GATA4: variants seen among roughly 807,000 people sequenced by gnomAD.
The protein encoded by GATA4 is GATA binding protein 4.
In GATA4, 7 loss-of-function variants were observed where a neutral mutation model predicts 37.9. The ratio of observed to expected loss-of-function variants is 0.18; its 90% CI spans 0.11 to 0.35. GATA4 has a LOEUF of 0.35. Ranked by LOEUF, GATA4 falls within the 10% of genes least tolerant of loss-of-function variation. The pLI, the probability that GATA4 is intolerant of heterozygous loss-of-function variation, is 1.00. For missense variants in GATA4, 647 were observed against 653.0 expected (o/e 0.99, Z 0.10); for synonymous variants, 372 against 292.6 (o/e 1.27, Z -2.77).
chr8:11,735,840 C>T (rs1056282986), intron 2 of GATA4, among the ~76,000 whole-genome samples: 2 of 152,180 alleles, frequency 1.3e-5, no homozygotes, highest in African/African-American at 2.4e-5. Context: ...GGATTACAGG[C>T]GTGAGCCACC....
At chr8:11,753,661 G>A (rs1400179333) in intron 4 of GATA4, among the ~76,000 whole-genome samples, 1 of 152,084 alleles carries the variant, frequency 6.6e-6, no homozygotes, top group Non-Finnish European at 1.5e-5. Flanking sequence ...GTCACAGAGA[G>A]ATGTGCAGAT....
At chr8:11,685,813 G>C (rs1485031526) in intron 1 of GATA4, among the ~76,000 whole-genome samples, 1 of 152,212 alleles carries the variant, frequency 6.6e-6, no homozygotes, top group Non-Finnish European at 1.5e-5. Flanking sequence ...TGGGATGTGA[G>C]GCCAGGTGTG....
intron 6 of GATA4, among the ~76,000 whole-genome samples, chr8:11,758,026 C>A (rs563397991): frequency 6.6e-6 from 1 of 152,310 alleles, no homozygotes; most frequent in African/African-American, 2.4e-5. Context: ...ACCATCAGAG[C>A]CTTCTGGGCA....
At chr8:11,687,950 A>T (rs184353963), upstream of GATA4, among the ~76,000 whole-genome samples, 1,571 of 152,336 alleles carry the variant, frequency 0.01, 19 homozygotes, top group African/African-American at 0.036. Context: ...GACCAATGTC[A>T]TTTTTAAAAA....
chr8:11,756,952 A>C lies in GATA4; in HGVS notation c.1018A>C (p.Ser340Arg). Residue 340 changes from serine to arginine, a missense_variant, in exon 6 of 7, where the codon AGC (serine) becomes CGC (arginine). Ser to Arg is a moderately radical substitution (Grantham distance 110). Transcript: ENST00000532059. The stretch of plus-strand genomic sequence containing the variant: ...CATTCCAGCTCCTTCAGGCAGTGAG[A>C]GCCTTCCTCCCGCCAGCGGTGCTTC... ...KTPAAPSGSE[S>R]LPPASGASSN... 1 of 1,614,166 alleles carries C rather than the reference A, an allele frequency of 6.2e-7. No homozygotes were observed.
intron 1 of GATA4, among the ~76,000 whole-genome samples, chr8:11,693,496 G>GA (rs1554484975): frequency 3.6e-5 from 5 of 137,572 alleles, no homozygotes; most frequent in African/African-American, 1.1e-4. Context: ...GAGAGAGAGA[G>GA]AAAAAAAGAG....
chr8:11,681,559 A>G (rs1031467232), intron 1 of GATA4: 1 of 719,714 alleles, frequency 1.4e-6, no homozygotes, highest in Non-Finnish European at 1.7e-6. Context: ...TTAGATACTG[A>G]ATATAATTTC....
chr8:11,745,662 A>T (rs139832872), intron 2 of GATA4, among the ~76,000 whole-genome samples: 1 of 152,282 alleles, frequency 6.6e-6, no homozygotes, highest in African/African-American at 2.4e-5. Flanking sequence ...TAAAACAATA[A>T]TTGTGAGGAG....
At chr8:11,697,818 G>A (rs1362479793) in intron 1 of GATA4, 22 of 985,474 alleles carry the variant, frequency 2.2e-5, no homozygotes, top group Non-Finnish European at 2.7e-5. Context: ...GTGCCGGGCC[G>A]GTGGGGCGTT....
At chr8:11,754,208 A>G (rs1359711287) in intron 4 of GATA4, among the ~76,000 whole-genome samples, 1 of 152,176 alleles carries the variant, frequency 6.6e-6, no homozygotes, top group African/African-American at 2.4e-5. Context: ...AATAATTGAT[A>G]GCACCGCTGC....
At chr8:11,688,532 A>ACT (rs35685448), upstream of GATA4, among the ~76,000 whole-genome samples, 4,629 of 151,870 alleles carry the variant, frequency 0.03, 102 homozygotes, top group Non-Finnish European at 0.043. Flanking sequence ...ATGCACACAC[A>ACT]CACACACACA....
chr8:11,696,453 G>C (rs1427128543), intron 1 of GATA4, among the ~76,000 whole-genome samples: 1 of 151,868 alleles, frequency 6.6e-6, no homozygotes, highest in African/African-American at 2.4e-5. Flanking sequence ...GTTCATTCCT[G>C]TTTGTTACTG....
At chr8:11,693,034 C>A (rs910566047) in intron 1 of GATA4, 2 of 985,266 alleles carry the variant, frequency 2.0e-6, no homozygotes, top group African/African-American at 3.5e-5. Context: ...CCAGCGCCTG[C>A]GGGGCCTCTG....
intron 1 of GATA4, chr8:11,681,343 A>C: frequency 4.1e-6 from 4 of 985,294 alleles, no homozygotes; most frequent in Non-Finnish European, 4.8e-6. Context: ...CAACCCATCA[A>C]ATTTCCAGCA....
chr8:11,692,451 C>T (rs1799343754), upstream of GATA4: 1 of 895,238 alleles, frequency 1.1e-6, no homozygotes. Context: ...TTCGAATGAA[C>T]CCTAATAGAA....
intron 1 of GATA4, among the ~76,000 whole-genome samples, chr8:11,679,168 C>A (rs1396901108): frequency 1.1e-5 from 1 of 87,144 alleles, no homozygotes; most frequent in Non-Finnish European, 2.8e-5. Flanking sequence ...AGGCAATTAT[C>A]CGAATAATTG....
chr8:11,683,422 G>A (rs966047403), intron 1 of GATA4, among the ~76,000 whole-genome samples: 1 of 150,890 alleles, frequency 6.6e-6, no homozygotes, highest in African/African-American at 2.4e-5. Flanking sequence ...CTTTTGGGTT[G>A]GAGGTATCGT....
chr8:11,753,889 A>AGCCTAAGAGAAACCAGATGTGGGGAAGG lies in GATA4; in HGVS notation c.913-1156_913-1129dup, dbSNP rs1802426186. ...GAAAAGGGGCTAAAAGATTTGGCTCAGCCTAAGAGAAACCAGATGTGGGGA... is the reference window on the plus strand; with the variant it reads ...GAAAAGGGGCTAAAAGATTTGGCTCAGCCTAAGAGAAACCAGATGTGGGGAAGGGCCTAAGAGAAACCAGATGTGGGGA... On this transcript the variant is annotated intron_variant, in intron 4 of 6. Coordinates refer to ENST00000532059, the MANE Select transcript of GATA4 (RefSeq NM_001308093.3). Among the ~76,000 whole-genome samples, 3 of 152,338 alleles carry AGCCTAAGAGAAACCAGATGTGGGGAAGG rather than the reference A, an allele frequency of 2.0e-5. No homozygotes were observed. The South Asian group carries it at 6.2e-4, about 32-fold the overall frequency.
chr8:11,691,915 G>T, upstream of GATA4: 10 of 525,244 alleles, frequency 1.9e-5, no homozygotes, highest in Non-Finnish European at 2.2e-5. Flanking sequence ...AAAGAGGGAA[G>T]AAAAAAAAAA....
Sources: allele counts gnomAD v4.1 joint callset (sites outside exome capture counted in the v4.1 genomes callset), GRCh38; gene constraint gnomAD v4.1.1; transcripts MANE v1.5; gene names NCBI Gene and HGNC (gene_info 2026-07-23, HGNC 2026-07-21).